The following NRG1 variants were observed in gnomAD, a reference collection of about 807,000 sequenced individuals.
NRG1 encodes neuregulin 1.
A neutral mutation model predicts 63.8 loss-of-function variants in NRG1; 18 were observed. The observed-to-expected ratio is 0.28, with a 90% CI of 0.19 to 0.42. The LOEUF (loss-of-function observed/expected upper bound fraction) is 0.42. Among genes scored for constraint, NRG1 ranks in the 10% least tolerant of loss-of-function variants. NRG1 has a pLI of 1.00. For synonymous variants in NRG1, 302 were observed against 301.3 expected, an observed-to-expected ratio of 1.00 and a Z score of -0.02; for missense variants, 762 against 814.7, an observed-to-expected ratio of 0.94 and a Z score of 0.79.
intron 5 of NRG1, among the ~76,000 whole-genome samples, chr8:32,632,193 G>GT (rs1432529265): frequency 6.6e-6 from 1 of 152,124 alleles, no homozygotes; most frequent in Non-Finnish European, 1.5e-5. Context: ...AATAAGCCAC[G>GT]TTAATATAAA....
rs889201926 is a variant in NRG1, at chr8:32,477,893, T to C, written c.38-117935T>C. On this transcript the variant is annotated intron_variant, in intron 1 of 10. Transcript: ENST00000519301. Reference sequence around the variant, plus strand: ...TTATAGGTTTGCATCTTGGAAACGATGTTAGTAGAAACAAGTCAGTTTCCC... The same window carrying C: ...TTATAGGTTTGCATCTTGGAAACGACGTTAGTAGAAACAAGTCAGTTTCCC... 2.6e-5 allele frequency among the ~76,000 whole-genome samples: 4 copies of C among 152,240 alleles called. No homozygotes were observed. The East Asian group carries it at 7.7e-4, about 29-fold the overall frequency.
intron 1 of NRG1, among the ~76,000 whole-genome samples, chr8:32,480,208 C>A (rs1253108266): frequency 6.6e-6 from 1 of 151,922 alleles, no homozygotes; most frequent in Non-Finnish European, 1.5e-5. Flanking sequence ...ATGGCAGAAG[C>A]AATTTGTAAT....
intron 1 of NRG1, among the ~76,000 whole-genome samples, chr8:31,983,241 G>A (rs1809473887): frequency 6.6e-6 from 1 of 152,034 alleles, no homozygotes; most frequent in South Asian, 2.1e-4. Context: ...TCTCACATGT[G>A]AATCTTTTAT....
chr8:32,394,868 C>G (rs757717192), intron 1 of NRG1, among the ~76,000 whole-genome samples: 5 of 152,080 alleles, frequency 3.3e-5, no homozygotes, highest in Non-Finnish European at 7.3e-5. Flanking sequence ...CTTTTTCAGC[C>G]TTGCTGTGCT....
At chr8:32,341,549 A>T (rs755785431) in intron 1 of NRG1, among the ~76,000 whole-genome samples, 18 of 152,164 alleles carry the variant, frequency 1.2e-4, no homozygotes, top group Non-Finnish European at 2.6e-4. Context: ...AGGCCCAGGG[A>T]TTACACCAAA....
At chr8:32,025,909 G>A (rs1238249118) in intron 1 of NRG1, among the ~76,000 whole-genome samples, 11 of 142,990 alleles carry the variant, frequency 7.7e-5, no homozygotes, top group Non-Finnish European at 1.2e-4. Context: ...TCCCGCCGCT[G>A]CATTACGGCC....
chr8:32,251,067 T>C (rs1322856404), intron 1 of NRG1, among the ~76,000 whole-genome samples: 1 of 151,964 alleles, frequency 6.6e-6, no homozygotes, highest in Non-Finnish European at 1.5e-5. Context: ...TTATTATTAT[T>C]ATTATTATAC....
chr8:31,677,483 C>A (rs1807836416), intron 1 of NRG1, among the ~76,000 whole-genome samples: 1 of 152,040 alleles, frequency 6.6e-6, no homozygotes, highest in Admixed American at 6.6e-5. Context: ...TTGTCAGAAT[C>A]TGTTCTCTAG....
Position 31,769,713 on chromosome 8 carries a change from T to G in NRG1, c.37+130282T>G, listed in dbSNP as rs117614234. ...CCAATGGTGAACTAATTTATAATAG[T>G]TGTCTCCTGTGACTGAGAAGGCTGA... On this transcript the variant is annotated intron_variant, in intron 1 of 10. Transcript: ENST00000519301. 3.8e-3 allele frequency among the ~76,000 whole-genome samples: 584 copies of G among 152,248 alleles called. 1 individual carries two copies. Among genetic ancestry groups the G allele is most frequent in the Middle Eastern group, 0.02 (6 of 294 alleles).
At chr8:31,840,756 C>T (rs981532972) in intron 1 of NRG1, among the ~76,000 whole-genome samples, 1 of 152,080 alleles carries the variant, frequency 6.6e-6, no homozygotes, top group Non-Finnish European at 1.5e-5. Flanking sequence ...TCCTGCAGTC[C>T]AGCTGGTATA....
chr8:31,787,897 T>A (rs983779749), intron 1 of NRG1, among the ~76,000 whole-genome samples: 1 of 152,192 alleles, frequency 6.6e-6, no homozygotes, highest in Non-Finnish European at 1.5e-5. Context: ...CTAGCATTTG[T>A]TGAATCCTGA....
At chr8:32,605,535 G>A (rs1845120837) in intron 2 of NRG1, 27 bp from the exon 3 acceptor site, 1 of 1,611,558 alleles carries the variant, frequency 6.2e-7, no homozygotes, top group African/African-American at 1.3e-5. Context: ...GATATATACT[G>A]ACACCACTTT....
chr8:32,369,414 A>C (rs1324686092), intron 1 of NRG1, among the ~76,000 whole-genome samples: 1 of 152,214 alleles, frequency 6.6e-6, no homozygotes, highest in Non-Finnish European at 1.5e-5. Context: ...CAAAACATAT[A>C]AAGGACAATT....
intron 5 of NRG1, among the ~76,000 whole-genome samples, chr8:32,650,686 A>G (rs888690183): frequency 6.7e-6 from 1 of 149,384 alleles, no homozygotes; most frequent in Non-Finnish European, 1.5e-5. Flanking sequence ...AAAAAAGCTT[A>G]CAAAGGGATT....
chr8:31,922,831 G>A (rs1834024395), intron 1 of NRG1, among the ~76,000 whole-genome samples: 1 of 152,128 alleles, frequency 6.6e-6, no homozygotes, highest in Non-Finnish European at 1.5e-5. Flanking sequence ...AGGTGAACAA[G>A]CAGATGATTT....
At chr8:32,565,238 C>T (rs1445235195) in intron 1 of NRG1, among the ~76,000 whole-genome samples, 2 of 152,174 alleles carry the variant, frequency 1.3e-5, no homozygotes, top group Non-Finnish European at 2.9e-5. Context: ...AAATTCTTCT[C>T]CATATCTCTT....
intron 1 of NRG1, among the ~76,000 whole-genome samples, chr8:31,718,966 T>A (rs1227120739): frequency 6.6e-6 from 1 of 152,208 alleles, no homozygotes; most frequent in Non-Finnish European, 1.5e-5. Flanking sequence ...TGTATACATA[T>A]ATTATTTGGA....
intron 1 of NRG1, among the ~76,000 whole-genome samples, chr8:31,857,156 C>G (rs1041668143): frequency 8.5e-5 from 13 of 152,226 alleles, no homozygotes; most frequent in African/African-American, 2.7e-4. Context: ...TCCAGCTTCC[C>G]CCCTGCTTTG....
intron 1 of NRG1, among the ~76,000 whole-genome samples, chr8:32,365,955 G>A (rs1807918568): frequency 1.3e-5 from 2 of 151,968 alleles, no homozygotes; most frequent in Admixed American, 1.3e-4. Flanking sequence ...TTATTGTTCT[G>A]TCTTTCTATT....
Sources: gnomAD v4.1 joint callset for allele counts (sites outside exome capture counted in the v4.1 genomes callset) on GRCh38, gnomAD v4.1.1 for gene constraint, MANE v1.5 for transcripts, NCBI Gene and HGNC (gene_info 2026-07-23, HGNC 2026-07-21) for gene names.